Variants in CR1 observed in about 807,000 individuals in gnomAD.
CR1 encodes the protein complement receptor type 1.
A neutral mutation model predicts 187.3 loss-of-function variants in CR1; 116 were observed. That is an observed-to-expected ratio of 0.62 (90% CI 0.53 to 0.72). The LOEUF is 0.72. Among genes scored for constraint, CR1 ranks in the 30% least tolerant of loss-of-function variants. CR1 has a pLI of 0.00. For missense variants in CR1, 1,731 were observed against 2,110.7 expected, an observed-to-expected ratio of 0.82 and a Z score of 3.52; for synonymous variants, 576 against 747.1, an observed-to-expected ratio of 0.77 and a Z score of 3.73.
At chr1:207,509,934 G>A (rs1659561696) in intron 3 of CR1, among the ~76,000 whole-genome samples, 1 of 152,106 alleles carries the variant, frequency 6.6e-6, no homozygotes, top group Admixed American at 6.6e-5. Context: ...ACAAAATAAG[G>A]CCGGGTGTGC....
Position 207,580,582 on chromosome 1 carries a change from G to T in CR1, c.5185G>T (p.Gly1729Trp). 2.5e-6 allele frequency: 4 copies of T among 1,613,002 alleles called. No individual in the cohort carries two copies. Among genetic ancestry groups the T allele is most frequent in the Non-Finnish European group, 3.4e-6 (4 of 1,179,748 alleles). ...RVLFPLNLQL[G>W]AKVSFVCDEG... ...GCTATTTCCACTTAATCTCCAGCTT[G>T]GGGCAAAGGTGTCCTTTGTCTGTGA... The change falls in exon 31 of 47, where the codon GGG becomes TGG. Residue 1729 changes from glycine to tryptophan, a missense_variant. Physicochemically the swap from Gly to Trp is radical, Grantham distance 184. Transcript: ENST00000367049.
intron 45 of CR1, among the ~76,000 whole-genome samples, chr1:207,623,587 AACACACACACACACACACAC>A (rs55918544): frequency 0.24 from 34,695 of 144,170 alleles, 4,732 homozygotes; most frequent in East Asian, 0.34. Context: ...TACATCTCAA[AACACACACACACACACACAC>A]ACACACACAC....
intron 28 of CR1, among the ~76,000 whole-genome samples, chr1:207,576,416 T>G (rs1422433737): frequency 6.6e-6 from 1 of 152,238 alleles, no homozygotes; most frequent in Non-Finnish European, 1.5e-5. Context: ...CCAGTTCTTT[T>G]TATTACTTCT....
Position 207,616,791 on chromosome 1 carries a change from C to G in CR1, c.6878C>G (p.Ser2293Cys). The change falls in exon 41 of 47, where the codon TCT (serine) becomes TGT (cysteine). Residue 2293 changes from serine to cysteine, a missense_variant. Transcript: ENST00000367049. Reference sequence around the variant, plus strand: ...AGCCCTGCCCCTCGCTGTGAACTTTCTGTTCCTGCTGGTTAGTACCTGCTT... The same window carrying G: ...AGCCCTGCCCCTCGCTGTGAACTTTGTGTTCCTGCTGGTTAGTACCTGCTT... ...WSSPAPRCEL[S>C]VPAACPHPPK... is the part of the protein sequence containing the mutation. 1 of 1,613,950 alleles carries G rather than the reference C, an allele frequency of 6.2e-7. No homozygotes were observed. The highest frequency in any genetic ancestry group is 8.5e-7 in the Non-Finnish European group (1 of 1,179,850).
At chr1:207,593,084 C>CAAAAAAAAAAAAAA (rs57700679) in intron 35 of CR1, among the ~76,000 whole-genome samples, 10 of 83,102 alleles carry the variant, frequency 1.2e-4, no homozygotes, top group African/African-American at 4.0e-4. Flanking sequence ...CACAGAATTA[C>CAAAAAAAAAAAAAA]AAAAAAAAAA....
chr1:207,639,434 A>T lies in CR1; in HGVS notation c.*25A>T, dbSNP rs780373506. 5.0e-6 allele frequency: 8 copies of T among 1,591,708 alleles called. No homozygotes were observed. In the African/African-American group the frequency reaches 5.4e-5, roughly 11 times the overall value. ...ACAAAGTACTATACAGCTGAAGAAC[A>T]TCTCGAATACAATTTTGGTGGGAAA... On this transcript the variant is annotated 3_prime_UTR_variant, in exon 47 of 47. Coordinates refer to ENST00000367049, the MANE Select transcript of CR1 (RefSeq NM_000651.6).
intron 35 of CR1, among the ~76,000 whole-genome samples, chr1:207,601,568 C>T (rs1055012317): frequency 6.6e-6 from 1 of 152,144 alleles, no homozygotes; most frequent in South Asian, 2.1e-4. Flanking sequence ...TCTACATCCT[C>T]ACCAACACTT....
chr1:207,593,898 T>A (rs566756975), intron 35 of CR1, among the ~76,000 whole-genome samples: 6 of 152,212 alleles, frequency 3.9e-5, no homozygotes, highest in Admixed American at 6.5e-5. Context: ...CAAAACCACA[T>A]TGAGATACCA....
At chr1:207,638,933 G>C (rs762164733) in intron 46 of CR1, among the ~76,000 whole-genome samples, 2 of 152,200 alleles carry the variant, frequency 1.3e-5, no homozygotes, top group Non-Finnish European at 2.9e-5. Flanking sequence ...CGCTTGTGGC[G>C]GGGGACAATT....
intron 1 of CR1, among the ~76,000 whole-genome samples, chr1:207,504,945 C>T (rs1258654430): frequency 1.3e-5 from 2 of 152,146 alleles, no homozygotes; most frequent in Admixed American, 1.3e-4. Context: ...ATTAGATTCT[C>T]ATAGGAGCAG....
intron 24 of CR1, 61 bp from the exon 25 acceptor site, chr1:207,567,763 A>G: frequency 6.2e-7 from 1 of 1,605,388 alleles, no homozygotes; most frequent in Non-Finnish European, 8.5e-7. Flanking sequence ...GCACCCTGTA[A>G]TTGCAGAATA....
At chr1:207,567,693 C>T (rs1348131642) in intron 24 of CR1, 131 bp from the exon 25 acceptor site, 6 of 1,289,188 alleles carry the variant, frequency 4.7e-6, no homozygotes, top group Non-Finnish European at 5.4e-6. Flanking sequence ...TAATCCAACT[C>T]TTCAAAGTCC....
At chr1:207,613,556 G>A (rs1056690300) in intron 39 of CR1, among the ~76,000 whole-genome samples, 15 of 151,906 alleles carry the variant, frequency 9.9e-5, no homozygotes, top group African/African-American at 3.1e-4. Flanking sequence ...GGGTTTCACC[G>A]GGATCTGCCC....
intron 1 of CR1, among the ~76,000 whole-genome samples, chr1:207,503,985 G>C (rs1558211974): frequency 1.3e-5 from 2 of 152,224 alleles, no homozygotes; most frequent in Non-Finnish European, 2.9e-5. Flanking sequence ...CGATGAAATT[G>C]TGAAGAAGGA....
intron 27 of CR1, among the ~76,000 whole-genome samples, chr1:207,574,839 G>C (rs771174118): frequency 6.6e-6 from 1 of 152,102 alleles, no homozygotes; most frequent in Non-Finnish European, 1.5e-5. Flanking sequence ...AAAATAATAA[G>C]TTTAATTTCC....
Position 207,505,991 on chromosome 1 carries a change from A to T in CR1, c.209A>T (p.Asn70Ile). Residue 70 changes from asparagine to isoleucine, a missense_variant, in exon 2 of 47, where the codon AAC becomes ATC. Coordinates refer to ENST00000367049, the MANE Select transcript of CR1 (RefSeq NM_000651.6). ...GAGTTTCCCATTGGGACATATCTGA[A>T]CTATGAATGCCGCCCTGGTTATTCC... ...EFEFPIGTYL[N>I]YECRPGYSGR... is the part of the protein sequence containing the mutation. 6.2e-7 allele frequency: 1 copy of T among 1,613,954 alleles called. No individual in the cohort carries two copies. Among genetic ancestry groups the T allele is most frequent in the South Asian group, 1.1e-5 (1 of 91,086 alleles).
intron 28 of CR1, among the ~76,000 whole-genome samples, chr1:207,575,995 C>T (rs1045869142): frequency 2.0e-5 from 3 of 152,118 alleles, no homozygotes; most frequent in Admixed American, 6.5e-5. Context: ...TCAACAAATA[C>T]AAAGTCAGTG....
Position 207,611,900 on chromosome 1 carries a change from A to C in CR1, c.6473-39A>C, listed in dbSNP as rs371069218. 16 of 1,613,730 alleles carry C rather than the reference A, an allele frequency of 9.9e-6. No homozygotes were observed. In the African/African-American group the frequency reaches 1.9e-4, roughly 19 times the overall value. On this transcript the variant is annotated intron_variant, in intron 38 of 46. Coordinates refer to ENST00000367049, the MANE Select transcript of CR1 (RefSeq NM_000651.6). Reference sequence around the variant, plus strand: ...CAGATTGCTCTGTTTTCCCCTTCACATGGAGGACTTACTCCTGTTGTTTTA... The same window carrying C: ...CAGATTGCTCTGTTTTCCCCTTCACCTGGAGGACTTACTCCTGTTGTTTTA...
intron 35 of CR1, among the ~76,000 whole-genome samples, chr1:207,603,210 T>C (rs1661654615): frequency 6.6e-6 from 1 of 152,142 alleles, no homozygotes; most frequent in Non-Finnish European, 1.5e-5. Context: ...GTGGGTTTGA[T>C]ACCCACCTCT....
Sources: allele counts gnomAD v4.1 joint callset (sites outside exome capture counted in the v4.1 genomes callset), GRCh38; gene constraint gnomAD v4.1.1; transcripts MANE v1.5; gene names NCBI Gene and HGNC (gene_info 2026-07-23, HGNC 2026-07-21).